The following AGK variants were observed in gnomAD, a reference collection of about 807,000 sequenced individuals.
AGK encodes the protein acylglycerol kinase.
In AGK, 52 loss-of-function variants were observed where a neutral mutation model predicts 66.4. The ratio of observed to expected loss-of-function variants is 0.78; its 90% confidence interval spans 0.63 to 0.99. The LOEUF is 0.99. AGK is among the 50% of genes least tolerant of loss of function. The pLI, the probability that AGK is intolerant of heterozygous loss-of-function variation, is 0.00. For synonymous variants in AGK, 182 were observed against 181.1 expected, an observed-to-expected ratio of 1.00 and a Z score of -0.04; for missense variants, 451 against 506.6, an observed-to-expected ratio of 0.89 and a Z score of 1.05.
chr7:141,653,126 G>A lies in AGK; in HGVS notation c.*202G>A, dbSNP rs1342263201. 2 of 572,840 alleles carry A rather than the reference G, an allele frequency of 3.5e-6. No homozygotes were observed. The highest frequency in any genetic ancestry group is 3.0e-5 in the East Asian group (1 of 33,546). The allele number at this position is 572,840 out of a possible 1,614,324, so 35.5% of individuals were successfully genotyped here. ...TTGCAATCGGCTTCCATTAGCGCATGTTTTATTTTGGTGTGACGGTTGGCC... is the reference window on the plus strand; with the variant it reads ...TTGCAATCGGCTTCCATTAGCGCATATTTTATTTTGGTGTGACGGTTGGCC... On this transcript the variant is annotated 3_prime_UTR_variant, in exon 16 of 16. Transcript: ENST00000649286.
rs74340311 is a variant in AGK at position 141,635,096 on chromosome 7, C to G, written c.668+1116C>G. On this transcript the variant is annotated intron_variant, in intron 10 of 15. Coordinates refer to ENST00000649286, the MANE Select transcript of AGK (RefSeq NM_018238.4). ...TTTCCCCAAAAAAGTCTGGTTAGGACAAATTGCTTTCCAAAATGTGTTAAG... is the reference window on the plus strand; with the variant it reads ...TTTCCCCAAAAAAGTCTGGTTAGGAGAAATTGCTTTCCAAAATGTGTTAAG... Among the ~76,000 whole-genome samples, 19 of 152,246 alleles carry G rather than the reference C, an allele frequency of 1.2e-4. No homozygotes were observed. In the East Asian group the frequency reaches 2.9e-3, roughly 23 times the overall value.
At chr7:141,633,841 A>T in intron 9 of AGK, 60 bp from the exon 10 acceptor site, 1 of 1,421,676 alleles carries the variant, frequency 7.0e-7, no homozygotes, top group Admixed American at 1.7e-5. Flanking sequence ...GAGTACTTAG[A>T]TGTAAAGAGT....
chr7:141,607,741 G>A (rs752062714), intron 5 of AGK, among the ~76,000 whole-genome samples: 3 of 151,748 alleles, frequency 2.0e-5, no homozygotes, highest in Non-Finnish European at 2.9e-5. Flanking sequence ...ATTCCCTCCT[G>A]TGTTATTTTA....
Position 141,555,947 on chromosome 7 carries a change from GC to G in AGK, c.101+382del, listed in dbSNP as rs1340736305. ...TATTTTGCCAAAGTTAAGGACGTGC[GC>G]CTGCGACACAGCCTCAGGAAGTTCT... On this transcript the variant is annotated intron_variant, in intron 2 of 15. Coordinates refer to ENST00000649286, the MANE Select transcript of AGK (RefSeq NM_018238.4). The surrounding 1 kb of genome is among the most constrained non-coding windows in gnomAD (Gnocchi z 4.2). Among the ~76,000 whole-genome samples, 1 of 152,192 alleles carries G rather than the reference GC, an allele frequency of 6.6e-6. No individual in the cohort carries two copies. Among genetic ancestry groups the G allele is most frequent in the African/African-American group, 2.4e-5 (1 of 41,446 alleles).
chr7:141,558,590 A>G lies in AGK; in HGVS notation c.101+3023A>G, dbSNP rs551272074. ...TGTGAAACATGCTATAATTAACTTG[A>G]GTGTACAGATACCTCTTGGAGATCC... On this transcript the variant is annotated intron_variant, in intron 2 of 15. Coordinates refer to ENST00000649286, the MANE Select transcript of AGK (RefSeq NM_018238.4). Among the ~76,000 whole-genome samples, 10 of 152,196 alleles carry G rather than the reference A, an allele frequency of 6.6e-5. No homozygotes were observed. The East Asian group carries it at 1.7e-3, about 26-fold the overall frequency.
At chr7:141,628,480 A>G (rs944929341) in intron 9 of AGK, among the ~76,000 whole-genome samples, 2 of 152,230 alleles carry the variant, frequency 1.3e-5, no homozygotes, top group African/African-American at 4.8e-5. Context: ...CATTATAGAT[A>G]AAGCCTGATA....
chr7:141,568,809 CAAGT>C (rs1795526567), intron 2 of AGK, among the ~76,000 whole-genome samples: 1 of 152,092 alleles, frequency 6.6e-6, no homozygotes, highest in Non-Finnish European at 1.5e-5. Flanking sequence ...CTCCTAACCT[CAAGT>C]GATCCACCCT....
At position 141,654,352 on chromosome 7, in the gene AGK, T is replaced by G. The variant is rs1797638134; in HGVS notation, c.*1428T>G. 6.6e-6 allele frequency: 1 copy of G among 152,254 alleles called. No individual in the cohort carries two copies. The highest frequency in any genetic ancestry group is 2.4e-5 in the African/African-American group (1 of 41,478). 9.4% of individuals were successfully genotyped at this position (152,254 alleles called of 1,614,324 possible). ...TGGGGTTCAACCTCAGCTGTATTCC[T>G]TGTTTCTGTATAGATGTAAGCACAT... On this transcript the variant is annotated 3_prime_UTR_variant, in exon 16 of 16. Transcript: ENST00000649286.
intron 2 of AGK, among the ~76,000 whole-genome samples, chr7:141,559,032 T>C (rs915708395): frequency 3.9e-5 from 6 of 152,206 alleles, no homozygotes; most frequent in African/African-American, 1.2e-4. Context: ...TTGTGAGATA[T>C]AGAATTTTCA....
intron 2 of AGK, among the ~76,000 whole-genome samples, chr7:141,590,028 T>A (rs1488921694): frequency 6.6e-6 from 1 of 152,212 alleles, no homozygotes; most frequent in East Asian, 1.9e-4. Context: ...GATAAATTAA[T>A]CAAAATTAAT....
intron 2 of AGK, among the ~76,000 whole-genome samples, chr7:141,567,926 GATA>G (rs905341448): frequency 6.6e-6 from 1 of 152,178 alleles, no homozygotes; most frequent in Admixed American, 6.5e-5. Flanking sequence ...GTAAAATGGG[GATA>G]ATAATAATAT....
intron 5 of AGK, among the ~76,000 whole-genome samples, chr7:141,607,444 T>A (rs1562971376): frequency 2.0e-5 from 3 of 152,282 alleles, no homozygotes; most frequent in Middle Eastern, 3.4e-3. Flanking sequence ...CATCTGTAGA[T>A]CTTTGGTGAG....
At chr7:141,637,111 A>ATTCATCTGTAGCAAG in intron 11 of AGK, 94 bp downstream of exon 11, 12 of 989,666 alleles carry the variant, frequency 1.2e-5, no homozygotes, top group Non-Finnish European at 1.7e-5. Flanking sequence ...TCCTTGCTAC[A>ATTCATCTGTAGCAAG]GATGAATGTG....
Position 141,598,380 on chromosome 7 carries a change from T to C in AGK, c.221+1739T>C, listed in dbSNP as rs1471476326. Among the ~76,000 whole-genome samples, 1 of 152,208 alleles carries C rather than the reference T, an allele frequency of 6.6e-6. No individual in the cohort carries two copies. Among genetic ancestry groups the C allele is most frequent in the African/African-American group, 2.4e-5 (1 of 41,442 alleles). On this transcript the variant is annotated intron_variant, in intron 4 of 15. Coordinates refer to ENST00000649286, the MANE Select transcript of AGK (RefSeq NM_018238.4). This position sits in a 1 kb window ranked among gnomAD's most constrained non-coding sequence, Gnocchi z 4.2. Reference sequence around the variant, plus strand: ...CCTAAGATAAGTAAATTGTCAGTGGTGGCCCGTGGCTGAAGATAACAGAGA... The same window carrying C: ...CCTAAGATAAGTAAATTGTCAGTGGCGGCCCGTGGCTGAAGATAACAGAGA...
At chr7:141,622,178 C>T (rs1320836593) in intron 9 of AGK, among the ~76,000 whole-genome samples, 2 of 151,726 alleles carry the variant, frequency 1.3e-5, no homozygotes, top group Non-Finnish European at 2.9e-5. Flanking sequence ...GCAGCCTCTG[C>T]CTCCTGGGTT....
chr7:141,585,847 T>C (rs779780824), intron 2 of AGK, among the ~76,000 whole-genome samples: 13 of 152,224 alleles, frequency 8.5e-5, no homozygotes, highest in Non-Finnish European at 1.9e-4. Context: ...AATTTCTTTC[T>C]GTCAAAGAAC....
rs567403615 is a variant in AGK, at chr7:141,565,519, C to T, written c.101+9952C>T. Among the ~76,000 whole-genome samples, 3 of 152,034 alleles carry T rather than the reference C, an allele frequency of 2.0e-5. No individual in the cohort carries two copies. The South Asian group carries it at 6.3e-4, about 32-fold the overall frequency. On this transcript the variant is annotated intron_variant, in intron 2 of 15. Transcript: ENST00000649286. ...TACAAAAGTTAGCTGGGTGTGGTGG[C>T]GCATGCCTGTAATCGGGAGGCTGAG...
chr7:141,621,575 A>G (rs1796825517), intron 8 of AGK, among the ~76,000 whole-genome samples, 157 bp from the exon 9 acceptor site: 1 of 151,448 alleles, frequency 6.6e-6, no homozygotes, highest in South Asian at 2.1e-4. Context: ...GGCAGGAGGG[A>G]GGGAGAGAGG....
At chr7:141,608,068 G>A (rs1483435657) in intron 5 of AGK, among the ~76,000 whole-genome samples, 1 of 151,974 alleles carries the variant, frequency 6.6e-6, no homozygotes, top group Non-Finnish European at 1.5e-5. Context: ...CCTTGTTCTA[G>A]GTATTGGGGA....
Sources: allele counts gnomAD v4.1 joint callset (sites outside exome capture counted in the v4.1 genomes callset), GRCh38; gene constraint gnomAD v4.1.1; non-coding constraint Gnocchi (gnomAD v3.1); transcripts MANE v1.5; gene names NCBI Gene and HGNC (gene_info 2026-07-23, HGNC 2026-07-21).